Variants in NACC2 observed in about 807,000 individuals in gnomAD.
The protein encoded by NACC2 is NACC family member 2.
In NACC2, 8 loss-of-function variants were observed where a neutral mutation model predicts 25.1. The observed-to-expected ratio is 0.32, with a 90% CI of 0.19 to 0.57. NACC2 has a LOEUF of 0.57. NACC2 is among the 20% of genes least tolerant of loss of function. The pLI is 0.89. For missense variants in NACC2, 644 were observed against 650.2 expected, an observed-to-expected ratio of 0.99 and a Z score of 0.10; for synonymous variants, 435 against 294.7, an observed-to-expected ratio of 1.48 and a Z score of -4.88.
At chr9:136,061,324 C>T (rs953181773) in intron 1 of NACC2, among the ~76,000 whole-genome samples, 6 of 152,112 alleles carry the variant, frequency 3.9e-5, no homozygotes, top group African/African-American at 9.7e-5. Flanking sequence ...CTGCCCATGG[C>T]GGCAGCTCCG....
rs557220109 is a variant in NACC2 at position 136,018,089 on chromosome 9, C to T, written c.887-1660G>A. On this transcript the variant is annotated intron_variant, in intron 2 of 5. Coordinates refer to ENST00000277554, the MANE Select transcript of NACC2 (RefSeq NM_144653.5). The surrounding 1 kb of genome is among the most constrained non-coding windows in gnomAD (Gnocchi z 4.4). ...AGGGAGGGGTGGGGTGGAACCTGCA[C>T]GTCCAGCAGGCTCGGGGCAGGCAGC... 5.3e-5 allele frequency among the ~76,000 whole-genome samples: 8 copies of T among 152,164 alleles called. No individual in the cohort carries two copies. Among genetic ancestry groups the T allele is most frequent in the African/African-American group, 1.9e-4 (8 of 41,442 alleles).
intron 2 of NACC2, among the ~76,000 whole-genome samples, chr9:136,031,422 C>G (rs916735287): frequency 2.0e-5 from 3 of 152,182 alleles, no homozygotes; most frequent in African/African-American, 7.2e-5. Flanking sequence ...ACTGCAAACT[C>G]TGCCTCCCGG....
chr9:136,073,654 G>GA (rs5901095), intron 1 of NACC2, among the ~76,000 whole-genome samples: 105,156 of 151,950 alleles, frequency 0.69, 37,838 homozygotes, highest in East Asian at 0.94. Context: ...AATGTTTGCA[G>GA]AAAGTCGACT....
intron 1 of NACC2, among the ~76,000 whole-genome samples, chr9:136,088,289 G>T (rs987777878): frequency 1.3e-5 from 2 of 152,176 alleles, no homozygotes; most frequent in African/African-American, 2.4e-5. Context: ...CAGATGGAAG[G>T]GATGACGGGG....
Position 136,049,971 on chromosome 9 carries a change from C to A in NACC2, c.551G>T (p.Gly184Val). 3.2e-6 allele frequency: 2 copies of A among 631,174 alleles called. No homozygotes were observed. The highest frequency in any genetic ancestry group is 5.7e-6 in the Non-Finnish European group (2 of 353,674). 39.1% of individuals were successfully genotyped at this position (631,174 alleles called of 1,614,324 possible). Residue 184 changes from glycine to valine, a missense_variant, in exon 2 of 6, where the codon GGC becomes GTC. Gly to Val is a moderately radical substitution (Grantham distance 109). Transcript: ENST00000277554. The part of the protein sequence containing the change: ...KHEAMELPPA[G>V]PGLAPKRPLE... ...CGGGCGCTTGGGGGCCAGGCCTGGGCCGGCCGGCGGCAGCTCCATGGCTTC... is the reference window on the plus strand; with the variant it reads ...CGGGCGCTTGGGGGCCAGGCCTGGGACGGCCGGCGGCAGCTCCATGGCTTC...
At chr9:136,056,659 G>A (rs1175262974) in intron 1 of NACC2, among the ~76,000 whole-genome samples, 1 of 152,236 alleles carries the variant, frequency 6.6e-6, no homozygotes, top group Non-Finnish European at 1.5e-5. Context: ...AGGTACGGGG[G>A]GTCTCTGGGA....
At position 136,011,670 on chromosome 9, in the gene NACC2, G is replaced by T; in HGVS notation, c.1610C>A (p.Ser537Ter). 1 of 1,419,312 alleles carries T rather than the reference G, an allele frequency of 7.0e-7. No individual in the cohort carries two copies. The highest frequency in any genetic ancestry group is 9.2e-7 in the Non-Finnish European group (1 of 1,091,200). 87.9% of individuals were successfully genotyped at this position (1,419,312 alleles called of 1,614,324 possible). A position where few individuals can be genotyped will look rare whatever the true frequency, so the allele number is the denominator to read the frequency against. The change falls in exon 6 of 6, where the codon TCG (serine) becomes TAG (stop). Residue 537 changes from serine (S) to a stop codon, truncating the protein, a stop_gained. Coordinates refer to ENST00000277554, the MANE Select transcript of NACC2 (RefSeq NM_144653.5). LOFTEE classifies it high-confidence loss of function. Reference protein sequence around the residue: ...DAGEEVDGAGSVIQEVAAPEP... With the variant: ...DAGEEVDGAG ...GGGGGCGGCCACCTCCTGGATGACC[G>T]AGCCAGCCCCGTCCACCTCCTCGCC... is the stretch of plus-strand genomic sequence containing the variant.
intron 5 of NACC2, among the ~76,000 whole-genome samples, chr9:136,012,996 A>C (rs1243424471): frequency 6.6e-6 from 1 of 152,238 alleles, no homozygotes; most frequent in East Asian, 1.9e-4. Flanking sequence ...TTGGAAACCT[A>C]CCAAGAACGT....
At position 136,018,342 on chromosome 9, in the gene NACC2, C is replaced by T. The variant is rs1588557995; in HGVS notation, c.887-1913G>A. ...AGGGAGGGTCCCAGAGTCACCTTTG[C>T]ACCCAGCGCCTGTCAGGGAGGGGCA... On this transcript the variant is annotated intron_variant, in intron 2 of 5. Coordinates refer to ENST00000277554, the MANE Select transcript of NACC2 (RefSeq NM_144653.5). This position sits in a 1 kb window ranked among gnomAD's most constrained non-coding sequence, Gnocchi z 4.4. Among the ~76,000 whole-genome samples the T allele has an allele frequency of 1.3e-5, 2 of 152,052 alleles. No individual in the cohort carries two copies. The highest frequency in any genetic ancestry group is 2.4e-5 in the African/African-American group (1 of 41,394).
intron 1 of NACC2, among the ~76,000 whole-genome samples, chr9:136,091,247 C>T (rs1037550510): frequency 5.9e-5 from 9 of 152,220 alleles, no homozygotes; most frequent in Non-Finnish European, 1.2e-4. Context: ...GGCAGAAAGG[C>T]CGGGCTGCCC....
intron 2 of NACC2, among the ~76,000 whole-genome samples, chr9:136,028,194 G>A (rs1443193959): frequency 7.0e-6 from 1 of 143,324 alleles, no homozygotes; most frequent in East Asian, 2.0e-4. Context: ...CTGAGTGACA[G>A]AGAGAAACTC....
intron 2 of NACC2, among the ~76,000 whole-genome samples, chr9:136,017,130 C>T (rs1248422398): frequency 1.3e-5 from 2 of 152,182 alleles, no homozygotes; most frequent in Non-Finnish European, 2.9e-5. Context: ...CCACCGCCAC[C>T]GCCACCAGGG....
intron 5 of NACC2, among the ~76,000 whole-genome samples, chr9:136,012,951 A>G (rs1840134523): frequency 6.6e-6 from 1 of 152,250 alleles, no homozygotes; most frequent in Non-Finnish European, 1.5e-5. Flanking sequence ...TCTATTTCAC[A>G]TATTAAAATA....
At chr9:136,075,350 G>A (rs1319041677) in intron 1 of NACC2, among the ~76,000 whole-genome samples, 5 of 152,208 alleles carry the variant, frequency 3.3e-5, no homozygotes, top group African/African-American at 4.8e-5. Context: ...TAGCTCCCCC[G>A]AGGCTGGCTG....
intron 1 of NACC2, among the ~76,000 whole-genome samples, chr9:136,070,705 CAGA>C (rs1841140532): frequency 6.9e-6 from 1 of 145,940 alleles, no homozygotes; most frequent in Admixed American, 6.7e-5. Flanking sequence ...TTGAAGCAAG[CAGA>C]AGAAAAGAAA....
intron 1 of NACC2, among the ~76,000 whole-genome samples, chr9:136,083,884 C>T (rs1830351659): frequency 6.6e-6 from 1 of 152,204 alleles, no homozygotes; most frequent in African/African-American, 2.4e-5. Flanking sequence ...AGACGATGTC[C>T]ACCAAGAACC....
chr9:136,038,307 C>A (rs960576787), intron 2 of NACC2, among the ~76,000 whole-genome samples: 23,937 of 152,088 alleles, frequency 0.16, 2,264 homozygotes, highest in East Asian at 0.35. Context: ...AGGCCAAGGC[C>A]GGTGGATTGC....
chr9:136,068,909 T>C (rs1307212606), intron 1 of NACC2, among the ~76,000 whole-genome samples: 4 of 139,454 alleles, frequency 2.9e-5, no homozygotes, highest in East Asian at 4.6e-4. Context: ...AGACAGAGAT[T>C]GAAAGAATAC....
chr9:136,021,965 T>C (rs1840301356), intron 2 of NACC2, among the ~76,000 whole-genome samples: 1 of 152,064 alleles, frequency 6.6e-6, no homozygotes, highest in Non-Finnish European at 1.5e-5. Context: ...AAGGGCAGCA[T>C]GGAGGGGTTT....
Sources: gnomAD v4.1 joint callset for allele counts (sites outside exome capture counted in the v4.1 genomes callset) on GRCh38, gnomAD v4.1.1 for gene constraint, Gnocchi (gnomAD v3.1) non-coding constraint, MANE v1.5 for transcripts, NCBI Gene and HGNC (gene_info 2026-07-23, HGNC 2026-07-21) for gene names.